The following SLC6A6 variants were observed in gnomAD, a reference collection of about 807,000 sequenced individuals.
The protein encoded by SLC6A6 is sodium- and chloride-dependent taurine transporter.
SLC6A6 carries 16 observed loss-of-function variants against 68.8 expected under a neutral mutation model. The ratio of observed to expected loss-of-function variants is 0.23; its 90% confidence interval spans 0.16 to 0.35. The LOEUF is 0.35. Ranked by LOEUF, SLC6A6 falls within the 10% of genes least tolerant of loss-of-function variation. The pLI, the probability that SLC6A6 is intolerant of heterozygous loss-of-function variation, is 1.00. For synonymous variants in SLC6A6, 312 were observed against 315.4 expected, an observed-to-expected ratio of 0.99 and a Z score of 0.12; for missense variants, 474 against 802.8, an observed-to-expected ratio of 0.59 and a Z score of 4.95.
rs375717737 is a variant in SLC6A6 at position 14,485,033 on chromosome 3, G to A, written c.*26G>A. The stretch of plus-strand genomic sequence containing the variant: ...GCTCTCTCGGGTCGACGGGGCCGGC[G>A]GCTTTCCTGCTGTTTACTAACATTA... On this transcript the variant is annotated 3_prime_UTR_variant, in exon 15 of 15. Transcript: ENST00000622186. 41 of 1,580,154 alleles carry A rather than the reference G, an allele frequency of 2.6e-5. No individual in the cohort carries two copies. Among genetic ancestry groups the A allele is most frequent in the Non-Finnish European group, 2.8e-5 (32 of 1,156,030 alleles).
chr3:14,420,699 G>A (rs1699466575), intron 2 of SLC6A6, among the ~76,000 whole-genome samples: 1 of 152,170 alleles, frequency 6.6e-6, no homozygotes, highest in Non-Finnish European at 1.5e-5. Context: ...GCCCAGGCTG[G>A]TTTCAAACTT....
intron 2 of SLC6A6, among the ~76,000 whole-genome samples, chr3:14,436,531 CTTTTTTTTTTTTTTTTTTTTT>C (rs58996264): frequency 2.8e-4 from 32 of 112,568 alleles, no homozygotes; most frequent in Admixed American, 7.9e-4. Flanking sequence ...CAACAACTCC[CTTTTTTTTTTTTTTTTTTTTT>C]TTTTTTTTTT....
At chr3:14,423,248 A>G (rs1234015014) in intron 2 of SLC6A6, among the ~76,000 whole-genome samples, 1 of 152,200 alleles carries the variant, frequency 6.6e-6, no homozygotes, top group Non-Finnish European at 1.5e-5. Flanking sequence ...GGAAGGACAG[A>G]CAGTGTGTCC....
chr3:14,467,019 A>T (rs566286742), intron 7 of SLC6A6, among the ~76,000 whole-genome samples: 188 of 152,266 alleles, frequency 1.2e-3, no homozygotes, highest in Non-Finnish European at 2.1e-3. Flanking sequence ...GGGATGGGAG[A>T]GTCGGGGCCT....
intron 3 of SLC6A6, 88 bp from the exon 4 acceptor site, chr3:14,445,629 G>T (rs1700102053): frequency 6.9e-7 from 1 of 1,443,700 alleles, no homozygotes; most frequent in African/African-American, 1.4e-5. Flanking sequence ...CATTCTCTCT[G>T]GTTCCATTGG....
rs575375559 is a variant in SLC6A6, at chr3:14,434,963, G to A, written c.-11-8661G>A. Among the ~76,000 whole-genome samples, 8 of 152,334 alleles carry A rather than the reference G, an allele frequency of 5.3e-5. 1 individual carries two copies. In the South Asian group the frequency reaches 1.7e-3, roughly 32 times the overall value. On this transcript the variant is annotated intron_variant, in intron 2 of 14. Transcript: ENST00000622186. ...TTCACCTGCCAATGTTTTTATGAGG[G>A]GAAGGTGACAAGTTGGCTGTCTATT...
chr3:14,403,900 C>T (rs1456347119), intron 1 of SLC6A6, among the ~76,000 whole-genome samples: 4 of 152,198 alleles, frequency 2.6e-5, no homozygotes, highest in Admixed American at 2.6e-4. Context: ...AGGTGTGTGC[C>T]GGGTAGGGCC....
intron 5 of SLC6A6, among the ~76,000 whole-genome samples, chr3:14,452,044 G>C (rs1700263665): frequency 6.6e-6 from 1 of 152,198 alleles, no homozygotes; most frequent in Non-Finnish European, 1.5e-5. Flanking sequence ...AGTAGTCTCT[G>C]GAAGTCAGGG....
Position 14,468,961 on chromosome 3 carries a change from T to G in SLC6A6, c.1096+749T>G, listed in dbSNP as rs1172162346. 6.6e-6 allele frequency among the ~76,000 whole-genome samples: 1 copy of G among 152,170 alleles called. No individual in the cohort carries two copies. Among genetic ancestry groups the G allele is most frequent in the Non-Finnish European group, 1.5e-5 (1 of 68,030 alleles). On this transcript the variant is annotated intron_variant, in intron 9 of 14. Coordinates refer to ENST00000622186, the MANE Select transcript of SLC6A6 (RefSeq NM_003043.6). The surrounding 1 kb of genome is among the most constrained non-coding windows in gnomAD (Gnocchi z 4.5). ...TCCCAGAGTTCCAGCAAGGTGCTTCTGGAACCTGAGAATCATGGGGCCTTC... is the reference window on the plus strand; with the variant it reads ...TCCCAGAGTTCCAGCAAGGTGCTTCGGGAACCTGAGAATCATGGGGCCTTC...
At chr3:14,411,336 T>C (rs9835792) in intron 1 of SLC6A6, 15,649 of 152,526 alleles carry the variant, frequency 0.1, 1,107 homozygotes, top group African/African-American at 0.2. Flanking sequence ...GCCCTGCCCA[T>C]GCTGGTCCCT....
At chr3:14,426,983 G>A (rs78721624) in intron 2 of SLC6A6, among the ~76,000 whole-genome samples, 117 of 152,280 alleles carry the variant, frequency 7.7e-4, no homozygotes, top group Non-Finnish European at 1.3e-3. Flanking sequence ...GCTGCAGAGC[G>A]TTCTTATGTG....
At chr3:14,424,348 C>T (rs77301812) in intron 2 of SLC6A6, among the ~76,000 whole-genome samples, 6,666 of 147,390 alleles carry the variant, frequency 0.045, 456 homozygotes, top group African/African-American at 0.16. Context: ...GCTTTGGGCA[C>T]GCAAAGTTAA....
At chr3:14,422,630 T>C (rs1699509986) in intron 2 of SLC6A6, among the ~76,000 whole-genome samples, 1 of 151,978 alleles carries the variant, frequency 6.6e-6, no homozygotes, top group Non-Finnish European at 1.5e-5. Context: ...CTTCCTGTCA[T>C]TGCTTCTCAC....
At chr3:14,419,666 A>G (rs1699443796) in intron 2 of SLC6A6, among the ~76,000 whole-genome samples, 1 of 152,180 alleles carries the variant, frequency 6.6e-6, no homozygotes, top group African/African-American at 2.4e-5. Flanking sequence ...AGACGGTGAT[A>G]CTGGGATTTT....
At chr3:14,474,333 C>T (rs367570997) in intron 10 of SLC6A6, among the ~76,000 whole-genome samples, 2 of 152,150 alleles carry the variant, frequency 1.3e-5, no homozygotes, top group Admixed American at 6.6e-5. Flanking sequence ...CCCTGGGTGC[C>T]GGTCCTCATG....
intron 10 of SLC6A6, among the ~76,000 whole-genome samples, chr3:14,475,594 G>A (rs1278273189): frequency 6.6e-6 from 1 of 152,210 alleles, no homozygotes; most frequent in African/African-American, 2.4e-5. Flanking sequence ...TGGTGGAGAA[G>A]GGCAGTGTTC....
At chr3:14,410,221 C>T (rs1044731629) in intron 1 of SLC6A6, among the ~76,000 whole-genome samples, 1 of 151,766 alleles carries the variant, frequency 6.6e-6, no homozygotes, top group Non-Finnish European at 1.5e-5. Flanking sequence ...GATGTGGCTC[C>T]CTGTGCTCCC....
Position 14,445,864 on chromosome 3 carries a change from C to T in SLC6A6, c.364+13C>T, listed in dbSNP as rs565131624. 36 of 1,613,848 alleles carry T rather than the reference C, an allele frequency of 2.2e-5. No individual in the cohort carries two copies. Among genetic ancestry groups the T allele is most frequent in the East Asian group, 6.7e-5 (3 of 44,886 alleles). On this transcript the variant is annotated intron_variant, in intron 4 of 14. Coordinates refer to ENST00000622186, the MANE Select transcript of SLC6A6 (RefSeq NM_003043.6). ...CCCTTGTTCTCTGGTGAGTATGGGA[C>T]GGAGGTCACTTGGGGCCTGGCACTC...
rs533500870 is a variant in SLC6A6, at chr3:14,465,523, A to G, written c.733-993A>G. On this transcript the variant is annotated intron_variant, in intron 6 of 14. Transcript: ENST00000622186. ...GCACCTACTGAGTGGCAGTGTTACAAGCATCATCCTATTGAATCCTCAGCT... is the reference window on the plus strand; with the variant it reads ...GCACCTACTGAGTGGCAGTGTTACAGGCATCATCCTATTGAATCCTCAGCT... 1.6e-4 allele frequency among the ~76,000 whole-genome samples: 25 copies of G among 152,332 alleles called. No homozygotes were observed. The East Asian group carries it at 4.1e-3, about 25-fold the overall frequency.
Sources: allele counts gnomAD v4.1 joint callset (sites outside exome capture counted in the v4.1 genomes callset), GRCh38; gene constraint gnomAD v4.1.1; non-coding constraint Gnocchi (gnomAD v3.1); transcripts MANE v1.5; gene names NCBI Gene and HGNC (gene_info 2026-07-23, HGNC 2026-07-21).